SDK2: variants seen among roughly 807,000 people sequenced by gnomAD.
SDK2 encodes the protein protein sidekick-2.
SDK2 carries 105 observed loss-of-function variants against 253.9 expected under a neutral mutation model. The ratio of observed to expected loss-of-function variants is 0.41; its 90% CI spans 0.35 to 0.49. The LOEUF (loss-of-function observed/expected upper bound fraction) is 0.49. SDK2 is among the 20% of genes least tolerant of loss of function. The pLI, the probability that SDK2 is intolerant of heterozygous loss-of-function variation, is 0.06. For synonymous variants in SDK2, 1,249 were observed against 1,234.9 expected (o/e 1.01, Z -0.24); for missense variants, 2,608 against 3,003.0 (o/e 0.87, Z 3.07).
At chr17:73,487,582 G>C (rs564846688) in intron 2 of SDK2, among the ~76,000 whole-genome samples, 1 of 152,214 alleles carries the variant, frequency 6.6e-6, no homozygotes, top group Non-Finnish European at 1.5e-5. Context: ...ACCTGGGAGC[G>C]GGTCAGAAAT....
intron 18 of SDK2, among the ~76,000 whole-genome samples, chr17:73,408,660 C>A (rs1314986929): frequency 1.3e-5 from 2 of 152,134 alleles, no homozygotes; most frequent in Non-Finnish European, 2.9e-5. Context: ...GAAATCCAGA[C>A]TGTGGAAAAT....
At chr17:73,593,650 A>T (rs2045715332) in intron 1 of SDK2, among the ~76,000 whole-genome samples, 1 of 152,196 alleles carries the variant, frequency 6.6e-6, no homozygotes, top group Non-Finnish European at 1.5e-5. Flanking sequence ...TGCCACTCAC[A>T]TGTTTACTGA....
intron 2 of SDK2, among the ~76,000 whole-genome samples, chr17:73,483,985 G>A (rs957361642): frequency 1.3e-5 from 2 of 151,912 alleles, no homozygotes; most frequent in Admixed American, 6.6e-5. Context: ...GGGAGGCAGT[G>A]TGGTTATTTT....
intron 1 of SDK2, among the ~76,000 whole-genome samples, chr17:73,641,813 A>T (rs966871492): frequency 6.6e-6 from 1 of 152,006 alleles, no homozygotes; most frequent in Admixed American, 6.6e-5. Flanking sequence ...CTCTAACCCC[A>T]AAGCAGATAA....
chr17:73,471,627 A>T (rs2063651783), intron 3 of SDK2, among the ~76,000 whole-genome samples: 1 of 152,092 alleles, frequency 6.6e-6, no homozygotes. Flanking sequence ...AATAAAAGTC[A>T]TGGAGGCCCT....
At chr17:73,432,756 C>T (rs2063336238) in intron 10 of SDK2, among the ~76,000 whole-genome samples, 1 of 143,372 alleles carries the variant, frequency 7.0e-6, no homozygotes, top group Non-Finnish European at 1.6e-5. Context: ...GAAGGAGCAA[C>T]TGTGTTTGTA....
intron 2 of SDK2, among the ~76,000 whole-genome samples, chr17:73,483,697 ATATATATATATTTT>A (rs1567799489): frequency 2.4e-4 from 16 of 67,830 alleles, no homozygotes; most frequent in African/African-American, 7.9e-4. Context: ...ATATATATAT[ATATATATATATTTT>A]TTTTTTTTTT....
intron 1 of SDK2, among the ~76,000 whole-genome samples, chr17:73,559,604 C>CCT (rs1046197104): frequency 1.7e-4 from 24 of 138,264 alleles, no homozygotes; most frequent in Admixed American, 7.1e-5. Flanking sequence ...CTGTGCCCCC[C>CCT]GCCCCCGCCA....
At chr17:73,418,142 G>C (rs1417415593) in intron 16 of SDK2, among the ~76,000 whole-genome samples, 1 of 151,756 alleles carries the variant, frequency 6.6e-6, no homozygotes, top group Non-Finnish European at 1.5e-5. Context: ...TGAGTAGCTG[G>C]GACTACGGGT....
chr17:73,548,073 C>T (rs181478992), intron 1 of SDK2, among the ~76,000 whole-genome samples: 1 of 152,300 alleles, frequency 6.6e-6, no homozygotes, highest in East Asian at 1.9e-4. Flanking sequence ...ATCCAATCAC[C>T]TCCCACCAGG....
chr17:73,342,951 CTGGGAGG>C (rs1169218589), intron 44 of SDK2, among the ~76,000 whole-genome samples: 6 of 152,170 alleles, frequency 3.9e-5, no homozygotes, highest in Non-Finnish European at 5.9e-5. Flanking sequence ...CAAAGCTCCC[CTGGGAGG>C]GATTAGAAGG....
In SDK2 at chr17:73,424,010, T is replaced by C. The variant is rs2063257748; in HGVS notation, c.1666A>G (p.Ile556Val). Residue 556 changes from isoleucine to valine, a missense_variant, in exon 13 of 45, where the codon ATC (isoleucine) becomes GTC (valine). Coordinates refer to ENST00000392650, the MANE Select transcript of SDK2 (RefSeq NM_001144952.2). ...IRLDRNGSLH[I>V]SQTWSGDIGT... ...ATGTCTCCCGACCACGTCTGTGAGA[T>C]GTGCAGGGAGCCGTTTCTGTCCAGG... is the stretch of plus-strand genomic sequence containing the variant. 1 of 1,612,238 alleles carries C rather than the reference T, an allele frequency of 6.2e-7. No homozygotes were observed. Among genetic ancestry groups the C allele is most frequent in the African/African-American group, 1.3e-5 (1 of 74,908 alleles).
At chr17:73,483,293 G>A (rs564888470) in intron 2 of SDK2, among the ~76,000 whole-genome samples, 2 of 147,898 alleles carry the variant, frequency 1.4e-5, no homozygotes, top group African/African-American at 2.5e-5. Flanking sequence ...ACTCTGCACC[G>A]ACACAAGACA....
intron 1 of SDK2, among the ~76,000 whole-genome samples, chr17:73,524,029 C>T (rs1182234925): frequency 6.6e-6 from 1 of 152,192 alleles, no homozygotes; most frequent in Non-Finnish European, 1.5e-5. Flanking sequence ...TTTCTCATTT[C>T]CAGGCTCTGT....
At chr17:73,584,200 C>T (rs138773432) in intron 1 of SDK2, among the ~76,000 whole-genome samples, 6 of 152,324 alleles carry the variant, frequency 3.9e-5, no homozygotes, top group Admixed American at 1.3e-4. Flanking sequence ...TTGGCCTGGC[C>T]GCCGGGACCT....
chr17:73,565,525 T>C (rs1329381042), intron 1 of SDK2, among the ~76,000 whole-genome samples: 7 of 152,218 alleles, frequency 4.6e-5, no homozygotes, highest in African/African-American at 1.7e-4. Flanking sequence ...AAACAGCTAT[T>C]ATAACTATCC....
At chr17:73,363,702 C>T (rs1167636840) in intron 38 of SDK2, among the ~76,000 whole-genome samples, 1 of 152,050 alleles carries the variant, frequency 6.6e-6, no homozygotes, top group Non-Finnish European at 1.5e-5. Flanking sequence ...CCACACAGTC[C>T]AGATCCCACC....
At position 73,368,564 on chromosome 17, in the gene SDK2, G is replaced by C. The variant is rs370494633; in HGVS notation, c.5010C>G (p.Asn1670Lys). 1 of 1,600,044 alleles carries C rather than the reference G, an allele frequency of 6.2e-7. No homozygotes were observed. The highest frequency in any genetic ancestry group is 1.7e-5 in the Admixed American group (1 of 57,524). The change falls in exon 37 of 45, where the codon AAC becomes AAG. Residue 1670 changes from asparagine (N) to lysine (K), a missense_variant. Physicochemically the swap from Asn to Lys is moderately conservative, Grantham distance 94 (BLOSUM62 0). Around this residue, in one of 2 missense-constraint regions of SDK2, gnomAD observed 1,103 missense variants for 1,143.9 expected, o/e 0.96. Transcript: ENST00000392650. ...KIYFWEAQRG[N>K]LTERVKTLFL... ...AAAGCGTCTTCACTCGCTCTGTGAG[G>C]TTCCCCCGCTGGGCTTCCCAGAAAT...
At chr17:73,519,414 A>T (rs1372991067) in intron 1 of SDK2, 1 of 152,244 alleles carries the variant, frequency 6.6e-6, no homozygotes, top group Non-Finnish European at 1.5e-5. Context: ...AGGTGTCCTT[A>T]GGGGCTTGAC....
Sources: gnomAD v4.1 joint callset for allele counts (sites outside exome capture counted in the v4.1 genomes callset) on GRCh38, gnomAD v4.1.1 for gene constraint, gnomAD v4.1.1 regional missense constraint, MANE v1.5 for transcripts, NCBI Gene and HGNC (gene_info 2026-07-23, HGNC 2026-07-21) for gene names.